PAN3: variants seen among roughly 807,000 people sequenced by gnomAD.
The protein encoded by PAN3 is poly(A) specific ribonuclease subunit PAN3, also known as PAN2-PAN3 deadenylation complex subunit PAN3.
A neutral mutation model predicts 96.2 loss-of-function variants in PAN3; 19 were observed. The ratio of observed to expected loss-of-function variants is 0.20; its 90% CI spans 0.14 to 0.29. The LOEUF is 0.29. Among genes scored for constraint, PAN3 ranks in the 10% least tolerant of loss-of-function variants. PAN3 has a pLI of 1.00. For missense variants in PAN3, 882 were observed against 1,108.1 expected (o/e 0.80, Z 2.90); for synonymous variants, 433 against 406.6 (o/e 1.06, Z -0.78).
At chr13:28,196,318 C>T (rs1473948030) in intron 4 of PAN3, among the ~76,000 whole-genome samples, 1 of 152,050 alleles carries the variant, frequency 6.6e-6, no homozygotes, top group African/African-American at 2.4e-5. Flanking sequence ...AAAATACATA[C>T]AAGTTTTCCT....
intron 4 of PAN3, among the ~76,000 whole-genome samples, chr13:28,179,404 T>A (rs990447463): frequency 2.0e-5 from 3 of 152,178 alleles, no homozygotes; most frequent in Non-Finnish European, 4.4e-5. Context: ...CTAATCACTT[T>A]TTCTCATTTA....
chr13:28,281,866 G>A (rs538538005), intron 17 of PAN3, among the ~76,000 whole-genome samples: 36 of 150,798 alleles, frequency 2.4e-4, no homozygotes, highest in Middle Eastern at 6.9e-3. Context: ...TGCCTCCCAG[G>A]TTCAAGCGAT....
At chr13:28,248,502 G>T (rs997855479) in intron 6 of PAN3, among the ~76,000 whole-genome samples, 6 of 141,252 alleles carry the variant, frequency 4.2e-5, no homozygotes. Context: ...TCTTGTTCCA[G>T]ATCTTAGAGG....
chr13:28,205,945 C>A (rs922445885), intron 5 of PAN3, among the ~76,000 whole-genome samples: 1 of 150,366 alleles, frequency 6.7e-6, no homozygotes, highest in African/African-American at 2.4e-5. Flanking sequence ...TATTTTTCCT[C>A]CTGTCTCAGA....
intron 4 of PAN3, among the ~76,000 whole-genome samples, chr13:28,188,062 G>GA (rs1876720539): frequency 6.6e-6 from 1 of 152,106 alleles, no homozygotes; most frequent in South Asian, 2.1e-4. Context: ...TTACAAACTT[G>GA]AAAAATAGTA....
At position 28,295,316 on chromosome 13, in the gene PAN3, TAAAG is replaced by T. The variant is rs1299257517; in HGVS notation, c.*2797_*2800del. ...TCTATGTGTACAGCAGTATTTTTAA[TAAAG>T]AATTACAGAGATAAATTTGTCCTTT... On this transcript the variant is annotated 3_prime_UTR_variant, in exon 19 of 19. Coordinates refer to ENST00000380958, the MANE Select transcript of PAN3 (RefSeq NM_175854.8). The T allele has an allele frequency of 6.6e-6, 1 of 152,216 alleles. No individual in the cohort carries two copies. Among genetic ancestry groups the T allele is most frequent in the Non-Finnish European group, 1.5e-5 (1 of 68,018 alleles). The allele number at this position is 152,216 out of a possible 1,614,324, so 9.4% of individuals were successfully genotyped here. A position where few individuals can be genotyped will look rare whatever the true frequency, so the allele number is the denominator to read the frequency against.
chr13:28,283,627 ATCTT>A (rs1485784298), intron 17 of PAN3, among the ~76,000 whole-genome samples: 1 of 152,220 alleles, frequency 6.6e-6, no homozygotes, highest in Non-Finnish European at 1.5e-5. Context: ...TGTTTTAGAA[ATCTT>A]TCTATTTAGA....
chr13:28,195,342 G>A (rs1399778757), intron 4 of PAN3, among the ~76,000 whole-genome samples: 1 of 152,092 alleles, frequency 6.6e-6, no homozygotes, highest in Non-Finnish European at 1.5e-5. Context: ...AGCAGAGGTT[G>A]CCACTGAGCT....
In PAN3 at chr13:28,289,007, T is replaced by C. The variant is rs185279972; in HGVS notation, c.2523+885T>C. Among the ~76,000 whole-genome samples the C allele has an allele frequency of 9.8e-3, 1,484 of 151,946 alleles. 17 individuals carry two copies. The highest frequency in any genetic ancestry group is 0.034 in the African/African-American group (1,417 of 41,436). Reference sequence around the variant, plus strand: ...ATGCCCGGCTAATTTTTTGTATTTTTAGTAGAGACAGGATTTCACCATGTT... The same window carrying C: ...ATGCCCGGCTAATTTTTTGTATTTTCAGTAGAGACAGGATTTCACCATGTT... On this transcript the variant is annotated intron_variant, in intron 18 of 18. Coordinates refer to ENST00000380958, the MANE Select transcript of PAN3 (RefSeq NM_175854.8).
At chr13:28,171,033 C>T (rs758898217) in intron 1 of PAN3, among the ~76,000 whole-genome samples, 1 of 151,988 alleles carries the variant, frequency 6.6e-6, no homozygotes, top group African/African-American at 2.4e-5. Flanking sequence ...CTACCTCAGG[C>T]GATCCGCCCG....
chr13:28,231,685 G>T (rs1266920365), intron 6 of PAN3, among the ~76,000 whole-genome samples: 1 of 152,094 alleles, frequency 6.6e-6, no homozygotes, highest in African/African-American at 2.4e-5. Flanking sequence ...TATTAAAGGT[G>T]ATTTACATGT....
chr13:28,231,426 CATT>C (rs1882544081), intron 6 of PAN3, among the ~76,000 whole-genome samples: 1 of 152,112 alleles, frequency 6.6e-6, no homozygotes, highest in African/African-American at 2.4e-5. Flanking sequence ...TATAAATTGA[CATT>C]ATGTGCCTGA....
intron 17 of PAN3, among the ~76,000 whole-genome samples, chr13:28,282,355 C>T (rs1337732911): frequency 1.3e-5 from 2 of 150,276 alleles, no homozygotes; most frequent in Admixed American, 6.6e-5. Flanking sequence ...TTTTTTTTAC[C>T]ATGGAATTCA....
chr13:28,160,157 G>C (rs866103465), intron 1 of PAN3, among the ~76,000 whole-genome samples: 2 of 152,198 alleles, frequency 1.3e-5, no homozygotes, highest in Middle Eastern at 3.4e-3. Context: ...GGCCAGGCTG[G>C]TCTCAAACTC....
chr13:28,206,154 G>C (rs1247259450), intron 5 of PAN3, among the ~76,000 whole-genome samples: 2 of 151,964 alleles, frequency 1.3e-5, no homozygotes, highest in East Asian at 3.9e-4. Context: ...AAGGTTCTTT[G>C]GTCAGTACAT....
rs1286888 is a variant in PAN3 at position 28,229,096 on chromosome 13, A to G, written c.1000+8718A>G. Among the ~76,000 whole-genome samples the G allele has an allele frequency of 2.4e-3, 365 of 152,342 alleles. 1 individual carries two copies. The highest frequency in any genetic ancestry group is 8.4e-3 in the African/African-American group (350 of 41,572). ...TGACCCAAGCCTGGAAGTTTCTCCT[A>G]TGATGACTTTTGACTAAAATCTGGA... On this transcript the variant is annotated intron_variant, in intron 6 of 18. Transcript: ENST00000380958.
chr13:28,260,717 CTT>C (rs139094014), intron 8 of PAN3, among the ~76,000 whole-genome samples, 166 bp downstream of exon 8: 1 of 151,780 alleles, frequency 6.6e-6, no homozygotes, highest in South Asian at 2.1e-4. Flanking sequence ...GGAAACCTGT[CTT>C]TTAAAAAAAT....
intron 6 of PAN3, among the ~76,000 whole-genome samples, chr13:28,253,635 A>G (rs1025029626): frequency 3.6e-5 from 5 of 140,166 alleles, no homozygotes; most frequent in African/African-American, 5.4e-5. Flanking sequence ...GGGTCTCGCT[A>G]TGTTACCCAG....
At chr13:28,146,981 C>CA (rs201910066) in intron 1 of PAN3, among the ~76,000 whole-genome samples, 316 of 132,724 alleles carry the variant, frequency 2.4e-3, no homozygotes, top group African/African-American at 7.2e-3. Context: ...GACTCCGTCT[C>CA]AAAAAAAAAA....
Sources: gnomAD v4.1 joint callset for allele counts (sites outside exome capture counted in the v4.1 genomes callset) on GRCh38, gnomAD v4.1.1 for gene constraint, MANE v1.5 for transcripts, NCBI Gene and HGNC (gene_info 2026-07-23, HGNC 2026-07-21) for gene names.